KCND3: variants seen among roughly 807,000 people sequenced by gnomAD.
KCND3 encodes A-type voltage-gated potassium channel KCND3.
A neutral mutation model predicts 51.1 loss-of-function variants in KCND3; 9 were observed. That is an observed-to-expected ratio of 0.18 (90% CI 0.11 to 0.31). KCND3 has a LOEUF of 0.31. KCND3 is among the 10% of genes least tolerant of loss of function. The pLI is 1.00. For synonymous variants in KCND3, 349 were observed against 368.0 expected (o/e 0.95, Z 0.59); for missense variants, 526 against 903.8 (o/e 0.58, Z 5.36).
In KCND3 at chr1:111,775,956, G is replaced by A; in HGVS notation, c.*121C>T. On this transcript the variant is annotated 3_prime_UTR_variant, in exon 8 of 8. Coordinates refer to ENST00000302127, the MANE Select transcript of KCND3 (RefSeq NM_001378969.1). ...CCAGGCACAAGTCTCAGTGCTAGGG[G>A]TACAATGGGGCAGGCAGAAATAGTG... is the stretch of plus-strand genomic sequence containing the variant. 8.9e-7 allele frequency: 1 copy of A among 1,128,890 alleles called. No homozygotes were observed. The highest frequency in any genetic ancestry group is 1.9e-5 in the Admixed American group (1 of 53,172). The allele number at this position is 1,128,890 out of a possible 1,614,324, so 69.9% of individuals were successfully genotyped here.
At chr1:111,839,953 T>C (rs1667246119) in intron 2 of KCND3, among the ~76,000 whole-genome samples, 1 of 152,216 alleles carries the variant, frequency 6.6e-6, no homozygotes, top group Non-Finnish European at 1.5e-5. Context: ...CAAAATACCA[T>C]AAACTGGGTG....
chr1:111,780,719 C>G lies in KCND3; in HGVS notation c.1342G>C (p.Gly448Arg), dbSNP rs750200535. The stretch of plus-strand genomic sequence containing the variant: ...AGCTCCAGCGCCTCGTTGAGGAGCC[C>G]GTTGCGCTTGCTGTGCAGGTATGCA... The part of the protein sequence containing the change: ...SNAYLHSKRN[G>R]LLNEALELTG... Residue 448 changes from glycine to arginine, a missense_variant, in exon 4 of 8, where the codon GGG becomes CGG. Gly to Arg is a moderately radical substitution (Grantham distance 125, BLOSUM62 -2). This residue lies in a region of KCND3 where 266 missense variants were observed against 305.5 expected (regional missense o/e 0.87). Coordinates refer to ENST00000302127, the MANE Select transcript of KCND3 (RefSeq NM_001378969.1). This position sits in a 1 kb window ranked among gnomAD's most constrained non-coding sequence, Gnocchi z 4.2. 1 of 1,612,340 alleles carries G rather than the reference C, an allele frequency of 6.2e-7. No individual in the cohort carries two copies. The highest frequency in any genetic ancestry group is 1.1e-5 in the South Asian group (1 of 90,282).
chr1:111,874,138 A>T (rs2101721562), intron 2 of KCND3, among the ~76,000 whole-genome samples: 1 of 152,356 alleles, frequency 6.6e-6, no homozygotes, highest in Admixed American at 6.5e-5. Context: ...GTTGAAGCAA[A>T]ACATAATTGG....
chr1:111,807,035 G>A (rs17028612), intron 2 of KCND3, among the ~76,000 whole-genome samples: 12,438 of 152,230 alleles, frequency 0.082, 889 homozygotes, highest in African/African-American at 0.18. Context: ...GACTAGCACA[G>A]TAAATTAAAA....
At chr1:111,890,886 G>A (rs2886437) in intron 2 of KCND3, among the ~76,000 whole-genome samples, 12,149 of 152,246 alleles carry the variant, frequency 0.08, 521 homozygotes, top group East Asian at 0.17. Flanking sequence ...AAGATGAGAG[G>A]TGAGAAGTGA....
chr1:111,805,351 C>T lies in KCND3; in HGVS notation c.1107-18245G>A, dbSNP rs557886927. Among the ~76,000 whole-genome samples the T allele has an allele frequency of 6.0e-4, 92 of 152,344 alleles. 4 individuals carry two copies. The South Asian group carries it at 0.019, about 31-fold the overall frequency. On this transcript the variant is annotated intron_variant, in intron 2 of 7. Transcript: ENST00000302127. ...CAGTCTGGCCAGAGATCCACCGCCA[C>T]AACCTGGATGCCACAACCTGGGTGG...
intron 2 of KCND3, among the ~76,000 whole-genome samples, chr1:111,801,314 G>A (rs539852649): frequency 5.7e-4 from 87 of 152,328 alleles, no homozygotes; most frequent in East Asian, 1.7e-3. Flanking sequence ...ATGCCCTGAC[G>A]TAGCTCCCAA....
intron 2 of KCND3, among the ~76,000 whole-genome samples, chr1:111,960,787 T>C (rs191640244): frequency 6.6e-6 from 1 of 152,324 alleles, no homozygotes; most frequent in East Asian, 1.9e-4. Flanking sequence ...TCCTCAGGGA[T>C]GAGGGGAGAG....
At chr1:111,866,263 C>CTTCTTTCTTTCTTTCTTTTCTTTTCTT (rs1668561987) in intron 2 of KCND3, among the ~76,000 whole-genome samples, 1 of 54,222 alleles carries the variant, frequency 1.8e-5, no homozygotes, top group Non-Finnish European at 5.4e-5. Context: ...CTTTTCTTTT[C>CTTCTTTCTTTCTTTCTTTTCTTTTCTT]TTTTTTTTTT....
At chr1:111,922,627 G>A (rs1453821113) in intron 2 of KCND3, among the ~76,000 whole-genome samples, 1 of 152,202 alleles carries the variant, frequency 6.6e-6, no homozygotes, top group Admixed American at 6.5e-5. Flanking sequence ...ATCATAGGTT[G>A]TTAGGAAGAT....
Position 111,880,850 on chromosome 1 carries a change from C to CCCACTGCT in KCND3, c.1107-93745_1107-93744insAGCAGTGG, listed in dbSNP as rs542903102. Among the ~76,000 whole-genome samples, 109 of 152,288 alleles carry CCCACTGCT rather than the reference C, an allele frequency of 7.2e-4. 1 individual carries two copies. The highest frequency in any genetic ancestry group is 2.3e-3 in the African/African-American group (94 of 41,562). ...CTTTCCCACTGCTAGGTAATTACAA[C>CCCACTGCT]AGGTTTTTATTCCAAATGTAAAGAA... On this transcript the variant is annotated intron_variant, in intron 2 of 7. Coordinates refer to ENST00000302127, the MANE Select transcript of KCND3 (RefSeq NM_001378969.1).
chr1:111,925,079 G>A (rs1042533797), intron 2 of KCND3, among the ~76,000 whole-genome samples: 2 of 152,182 alleles, frequency 1.3e-5, no homozygotes, highest in Non-Finnish European at 2.9e-5. Flanking sequence ...GACCTCTGTG[G>A]TCAGCTGACT....
At chr1:111,956,018 A>C (rs1407600906) in intron 2 of KCND3, among the ~76,000 whole-genome samples, 1 of 133,672 alleles carries the variant, frequency 7.5e-6, no homozygotes, top group Admixed American at 7.9e-5. Context: ...CCTTGTAATC[A>C]CCCTATGAGG....
chr1:111,830,778 A>T (rs1313707365), intron 2 of KCND3, among the ~76,000 whole-genome samples: 1 of 152,262 alleles, frequency 6.6e-6, no homozygotes, highest in Non-Finnish European at 1.5e-5. Flanking sequence ...ATTTTCCATA[A>T]AATGTATTTT....
chr1:111,846,418 T>TCTGCTGCTGCTG lies in KCND3; in HGVS notation c.1107-59324_1107-59313dup, dbSNP rs55653915. 6.5e-3 allele frequency among the ~76,000 whole-genome samples: 973 copies of TCTGCTGCTGCTG among 150,828 alleles called. 15 individuals carry two copies. The highest frequency in any genetic ancestry group is 0.035 in the East Asian group (179 of 5,062). On this transcript the variant is annotated intron_variant, in intron 2 of 7. Coordinates refer to ENST00000302127, the MANE Select transcript of KCND3 (RefSeq NM_001378969.1). ...TTTCCTCTGTACACCCATGACACTC[T>TCTGCTGCTGCTG]CTGCTGCTGCTGCTGCTGCTGCTGC...
At chr1:111,891,018 G>A (rs866777696) in intron 2 of KCND3, among the ~76,000 whole-genome samples, 71 of 152,296 alleles carry the variant, frequency 4.7e-4, no homozygotes, top group Middle Eastern at 6.8e-3. Flanking sequence ...AGGCTGCATG[G>A]CAGAGTGACT....
At chr1:111,918,106 G>A (rs1462954047) in intron 2 of KCND3, among the ~76,000 whole-genome samples, 1 of 152,210 alleles carries the variant, frequency 6.6e-6, no homozygotes, top group African/African-American at 2.4e-5. Context: ...TAAGTGCTCA[G>A]TAAATGTTTA....
intron 1 of KCND3, among the ~76,000 whole-genome samples, chr1:111,985,022 G>C (rs1401654544): frequency 3.3e-5 from 5 of 152,142 alleles, no homozygotes; most frequent in Non-Finnish European, 7.3e-5. Flanking sequence ...GAGCACTTAC[G>C]CTATGCAAGG....
chr1:111,941,247 T>C (rs980685091), intron 2 of KCND3, among the ~76,000 whole-genome samples: 4 of 151,986 alleles, frequency 2.6e-5, no homozygotes, highest in African/African-American at 9.7e-5. Context: ...AAAGCCAACA[T>C]TGTGGAAGGG....
Sources: allele counts gnomAD v4.1 joint callset (sites outside exome capture counted in the v4.1 genomes callset), GRCh38; gene constraint gnomAD v4.1.1; regional missense constraint gnomAD v4.1.1; non-coding constraint Gnocchi (gnomAD v3.1); transcripts MANE v1.5; gene names NCBI Gene and HGNC (gene_info 2026-07-23, HGNC 2026-07-21).